SLC9A8: variants seen among roughly 807,000 people sequenced by gnomAD.
SLC9A8 encodes solute carrier family 9 member A8, also known as sodium/hydrogen exchanger 8.
In SLC9A8, 48 loss-of-function variants were observed where a neutral mutation model predicts 66.6. The ratio of observed to expected loss-of-function variants is 0.72; its 90% confidence interval spans 0.57 to 0.92. SLC9A8 has a LOEUF of 0.92. Among genes scored for constraint, SLC9A8 ranks in the 40% least tolerant of loss-of-function variants. The pLI is 0.00. For missense variants in SLC9A8, 599 were observed against 747.3 expected (o/e 0.80, Z 2.31); for synonymous variants, 274 against 282.6 (o/e 0.97, Z 0.31).
intron 2 of SLC9A8, among the ~76,000 whole-genome samples, chr20:49,821,527 T>A (rs16994925): frequency 0.091 from 13,777 of 152,172 alleles, 788 homozygotes; most frequent in African/African-American, 0.16. Flanking sequence ...CCACCTGGTG[T>A]TTTTTGGTGG....
intron 12 of SLC9A8, among the ~76,000 whole-genome samples, chr20:49,880,207 T>G (rs1287917732): frequency 1.4e-5 from 2 of 147,216 alleles, no homozygotes; most frequent in African/African-American, 5.1e-5. Context: ...GAGGTTGCAT[T>G]GAGCCACAAT....
chr20:49,845,638 C>G (rs945128860), intron 5 of SLC9A8, among the ~76,000 whole-genome samples: 1 of 152,130 alleles, frequency 6.6e-6, no homozygotes, highest in Admixed American at 6.6e-5. Context: ...CAACCTCTAT[C>G]GCTCCTCGCC....
intron 3 of SLC9A8, chr20:49,830,182 TC>T (rs1260534521): frequency 2.6e-6 from 2 of 776,992 alleles, no homozygotes; most frequent in Non-Finnish European, 4.8e-6. Flanking sequence ...TCCACCTCCA[TC>T]CGGGCAGCTG....
chr20:49,820,260 G>A (rs531053667), intron 2 of SLC9A8, among the ~76,000 whole-genome samples: 15 of 151,890 alleles, frequency 9.9e-5, no homozygotes, highest in East Asian at 5.8e-4. Context: ...AGGCTGAGGC[G>A]GGAAGATCAC....
At chr20:49,834,549 A>T (rs1231478223) in intron 3 of SLC9A8, among the ~76,000 whole-genome samples, 1 of 149,440 alleles carries the variant, frequency 6.7e-6, no homozygotes, top group African/African-American at 2.5e-5. Context: ...GTTGTGTGAA[A>T]TACATTCATT....
chr20:49,822,856 G>A (rs1027995312), intron 2 of SLC9A8, among the ~76,000 whole-genome samples: 5 of 152,142 alleles, frequency 3.3e-5, no homozygotes, highest in Non-Finnish European at 4.4e-5. Flanking sequence ...AGACAAAGAA[G>A]TATAGAGAAA....
chr20:49,830,014 C>CG (rs1253279494), intron 3 of SLC9A8: 1 of 641,064 alleles, frequency 1.6e-6, no homozygotes, highest in Non-Finnish European at 3.0e-6. Context: ...GGATGATGGC[C>CG]GGACCAGTGG....
rs113649240 is a variant in SLC9A8 at position 49,848,397 on chromosome 20, T to C, written c.433-1182T>C. On this transcript the variant is annotated intron_variant, in intron 5 of 15. Coordinates refer to ENST00000361573, the MANE Select transcript of SLC9A8 (RefSeq NM_015266.3). ...CAGATGATAGGCAGCCAAGTCAAAA[T>C]TGCAGCTTCTAGGAGGTGGGCTTAG... Among the ~76,000 whole-genome samples the C allele has an allele frequency of 3.3e-3, 503 of 152,280 alleles. 1 individual carries two copies. Among genetic ancestry groups the C allele is most frequent in the African/African-American group, 0.011 (456 of 41,556 alleles).
chr20:49,813,126 G>A (rs2086417276), intron 1 of SLC9A8, among the ~76,000 whole-genome samples, 178 bp downstream of exon 1: 1 of 152,244 alleles, frequency 6.6e-6, no homozygotes, highest in African/African-American at 2.4e-5. Context: ...GCCCAGGTGG[G>A]CCTTGCTTTC....
chr20:49,835,371 T>C (rs902860960), intron 3 of SLC9A8, among the ~76,000 whole-genome samples: 7 of 152,190 alleles, frequency 4.6e-5, no homozygotes, highest in Non-Finnish European at 8.8e-5. Flanking sequence ...TCACATATCA[T>C]AAATTTCACC....
intron 4 of SLC9A8, among the ~76,000 whole-genome samples, chr20:49,844,331 C>T (rs571955195): frequency 6.6e-6 from 1 of 152,212 alleles, no homozygotes; most frequent in Non-Finnish European, 1.5e-5. Context: ...TAGGGCTTGC[C>T]ATTACCTTTT....
At chr20:49,869,657 C>A in intron 10 of SLC9A8, among the ~76,000 whole-genome samples, 1 of 151,826 alleles carries the variant, frequency 6.6e-6, no homozygotes, top group Non-Finnish European at 1.5e-5. Context: ...TATGGTGAAA[C>A]CCCATCTCTA....
chr20:49,828,763 C>T lies in SLC9A8; in HGVS notation c.289+5622C>T, dbSNP rs543401604. On this transcript the variant is annotated intron_variant, in intron 3 of 15. Transcript: ENST00000361573. Reference sequence around the variant, plus strand: ...CTGAGGCAGGAGAATCACTTTACTCCGGTAGACGGAGGTTGCAGTGAGCCA... The same window carrying T: ...CTGAGGCAGGAGAATCACTTTACTCTGGTAGACGGAGGTTGCAGTGAGCCA... Among the ~76,000 whole-genome samples, 7 of 151,726 alleles carry T rather than the reference C, an allele frequency of 4.6e-5. No homozygotes were observed. In the South Asian group the frequency reaches 8.3e-4, roughly 18 times the overall value.
intron 3 of SLC9A8, among the ~76,000 whole-genome samples, chr20:49,833,235 C>T (rs2087288010): frequency 6.6e-6 from 1 of 152,136 alleles, no homozygotes; most frequent in Admixed American, 6.6e-5. Flanking sequence ...AAATGTGACA[C>T]TTGTGAAAAA....
chr20:49,885,224 C>G (rs981475485), intron 14 of SLC9A8, among the ~76,000 whole-genome samples: 1 of 152,242 alleles, frequency 6.6e-6, no homozygotes. Context: ...TAGCTTAGGC[C>G]TTTCTGGGTA....
chr20:49,844,667 G>A (rs1383928124), intron 4 of SLC9A8, among the ~76,000 whole-genome samples: 5 of 146,828 alleles, frequency 3.4e-5, no homozygotes, highest in Admixed American at 6.9e-5. Context: ...CGGCATGGTA[G>A]CACGCACATG....
intron 4 of SLC9A8, among the ~76,000 whole-genome samples, chr20:49,844,679 A>G (rs183715918): frequency 2.3e-4 from 35 of 150,000 alleles, no homozygotes; most frequent in Non-Finnish European, 4.9e-4. Context: ...ACGCACATGT[A>G]GTCCCAGCTA....
rs535961072 is a variant in SLC9A8 at position 49,891,544 on chromosome 20, C to T, written c.*3608C>T. 7.2e-5 allele frequency: 11 copies of T among 152,436 alleles called. No individual in the cohort carries two copies. The East Asian group carries it at 2.1e-3, about 29-fold the overall frequency. 9.4% of individuals were successfully genotyped at this position (152,436 alleles called of 1,614,324 possible). On this transcript the variant is annotated 3_prime_UTR_variant, in exon 16 of 16. Coordinates refer to ENST00000361573, the MANE Select transcript of SLC9A8 (RefSeq NM_015266.3). ...AAGGAGGAAGACTAACACACACCCCCTGCCCCATCCCATCCCCCTCTCCCG... is the reference window on the plus strand; with the variant it reads ...AAGGAGGAAGACTAACACACACCCCTTGCCCCATCCCATCCCCCTCTCCCG...
At chr20:49,839,001 G>A (rs972034671) in intron 3 of SLC9A8, among the ~76,000 whole-genome samples, 15 of 152,184 alleles carry the variant, frequency 9.9e-5, no homozygotes, top group African/African-American at 3.6e-4. Context: ...TGATGAGCCT[G>A]TCAGCTTTAT....
Sources: gnomAD v4.1 joint callset for allele counts (sites outside exome capture counted in the v4.1 genomes callset) on GRCh38, gnomAD v4.1.1 for gene constraint, MANE v1.5 for transcripts, NCBI Gene and HGNC (gene_info 2026-07-23, HGNC 2026-07-21) for gene names.